The following CAMTA1 variants were observed in gnomAD, a reference collection of about 807,000 sequenced individuals.
The protein encoded by CAMTA1 is calmodulin-binding transcription activator 1.
Under a neutral mutation model 170.9 loss-of-function variants are expected in CAMTA1, and 27 were observed. The ratio of observed to expected loss-of-function variants is 0.16; its 90% confidence interval spans 0.12 to 0.22. The LOEUF is 0.22. CAMTA1 is among the 10% of genes least tolerant of loss of function. The probability of loss-of-function intolerance (pLI) is 1.00; values close to 1 mark genes in which losing one functional copy is unlikely to be tolerated. For missense variants in CAMTA1, 1,619 were observed against 2,217.2 expected (o/e 0.73, Z 5.42); for synonymous variants, 833 against 891.5 (o/e 0.93, Z 1.17).
intron 3 of CAMTA1, among the ~76,000 whole-genome samples, chr1:7,018,724 TTATGCTCGGGGAGTC>T (rs1340306625): frequency 6.6e-6 from 1 of 152,168 alleles, no homozygotes; most frequent in Non-Finnish European, 1.5e-5. Context: ...CAGAGCATGT[TTATGCTCGGGGAGTC>T]TATTTCCCGT....
intron 6 of CAMTA1, among the ~76,000 whole-genome samples, chr1:7,630,453 G>C (rs545799668): frequency 3.3e-5 from 5 of 152,342 alleles, no homozygotes; most frequent in African/African-American, 1.2e-4. Context: ...CCCTGAGCCG[G>C]CATGGTTCCC....
At chr1:7,162,392 C>T (rs1647385701) in intron 4 of CAMTA1, among the ~76,000 whole-genome samples, 1 of 152,122 alleles carries the variant, frequency 6.6e-6, no homozygotes, top group African/African-American at 2.4e-5. Flanking sequence ...CACAGTGTGT[C>T]TTAGAACCCT....
At chr1:7,506,135 T>C (rs2094105238) in intron 6 of CAMTA1, among the ~76,000 whole-genome samples, 1 of 152,062 alleles carries the variant, frequency 6.6e-6, no homozygotes, top group African/African-American at 2.4e-5. Context: ...CCCCACCCTC[T>C]ATAACCTCGC....
At chr1:6,989,060 G>A (rs1194210286) in intron 3 of CAMTA1, among the ~76,000 whole-genome samples, 1 of 152,216 alleles carries the variant, frequency 6.6e-6, no homozygotes, top group Non-Finnish European at 1.5e-5. Flanking sequence ...AGGAGGGGCA[G>A]GGGACATGAC....
rs912247798 is a variant in CAMTA1 at position 7,482,320 on chromosome 1, T to G, written c.510+14419T>G. Among the ~76,000 whole-genome samples, 1 of 152,140 alleles carries G rather than the reference T, an allele frequency of 6.6e-6. No homozygotes were observed. The highest frequency in any genetic ancestry group is 1.9e-4 in the East Asian group (1 of 5,174). ...GTTTATTGGATAGGTGTGAATGGTG[T>G]CCATCCATCCAGCACCGGGCTTCCT... is the stretch of plus-strand genomic sequence containing the variant. On this transcript the variant is annotated intron_variant, in intron 6 of 22. Transcript: ENST00000303635. The surrounding 1 kb of genome is among the most constrained non-coding windows in gnomAD (Gnocchi z 4.2).
intron 5 of CAMTA1, among the ~76,000 whole-genome samples, chr1:7,336,188 G>A (rs926112673): frequency 2.6e-5 from 4 of 152,216 alleles, no homozygotes; most frequent in Non-Finnish European, 5.9e-5. Context: ...GGGTGAGTGA[G>A]TGAGCCCACC....
In CAMTA1 at chr1:7,159,972, T is replaced by C. The variant is rs114635889; in HGVS notation, c.302+68601T>C. On this transcript the variant is annotated intron_variant, in intron 4 of 22. Transcript: ENST00000303635. ...AGTAAAAAACTTAGCTGTGGCTGGG[T>C]GCAGTGGCTCACAACTGTAATCCTA... 9.3e-3 allele frequency among the ~76,000 whole-genome samples: 1,416 copies of C among 152,234 alleles called. 18 individuals carry two copies. Among genetic ancestry groups the C allele is most frequent in the African/African-American group, 0.031 (1,304 of 41,556 alleles).
intron 3 of CAMTA1, among the ~76,000 whole-genome samples, chr1:7,057,603 GA>G (rs142169937): frequency 0.014 from 2,146 of 152,338 alleles, 138 homozygotes; most frequent in Admixed American, 0.11. Context: ...CCGACAGGCT[GA>G]GAGCCTGTCA....
intron 11 of CAMTA1, among the ~76,000 whole-genome samples, chr1:7,714,583 C>T (rs1006668400): frequency 6.6e-6 from 1 of 151,868 alleles, no homozygotes; most frequent in African/African-American, 2.4e-5. Flanking sequence ...GCTTTGGGCG[C>T]GATCTCAGCT....
intron 4 of CAMTA1, among the ~76,000 whole-genome samples, chr1:7,233,510 T>G (rs574484448): frequency 1.3e-5 from 2 of 152,382 alleles, no homozygotes; most frequent in African/African-American, 4.8e-5. Flanking sequence ...ACTGACCAAA[T>G]GCTTTCAGCG....
At chr1:7,453,864 G>T (rs1008183050) in intron 5 of CAMTA1, among the ~76,000 whole-genome samples, 8 of 152,254 alleles carry the variant, frequency 5.3e-5, no homozygotes. Context: ...GCTCACTCAT[G>T]CTGGGACCCG....
At chr1:7,088,486 G>T (rs7521515) in intron 3 of CAMTA1, among the ~76,000 whole-genome samples, 36,605 of 152,062 alleles carry the variant, frequency 0.24, 4,534 homozygotes, top group East Asian at 0.32. Flanking sequence ...AAGTGGTCCT[G>T]TTCCCTTTCT....
intron 6 of CAMTA1, among the ~76,000 whole-genome samples, chr1:7,569,228 A>G (rs1000951281): frequency 1.4e-5 from 2 of 147,690 alleles, no homozygotes; most frequent in Non-Finnish European, 3.0e-5. Context: ...ATCATCCATC[A>G]TCATCACCAT....
chr1:7,493,420 TAC>T (rs2093768936), intron 6 of CAMTA1, among the ~76,000 whole-genome samples: 1 of 107,938 alleles, frequency 9.3e-6, no homozygotes, highest in Non-Finnish European at 1.8e-5. Context: ...CAAACCTACA[TAC>T]ACACATGCAC....
Position 7,574,541 on chromosome 1 carries a change from A to C in CAMTA1, c.511-65859A>C, listed in dbSNP as rs541621219. On this transcript the variant is annotated intron_variant, in intron 6 of 22. Coordinates refer to ENST00000303635, the MANE Select transcript of CAMTA1 (RefSeq NM_015215.4). ...TGCCAGTGAAGCTCTGCTAACGCTC[A>C]CTGGGCACGGGCCACGATCAATATG... 2.0e-5 allele frequency among the ~76,000 whole-genome samples: 3 copies of C among 152,278 alleles called. No homozygotes were observed. The South Asian group carries it at 6.2e-4, about 32-fold the overall frequency.
At chr1:6,989,845 T>C (rs1696032623) in intron 3 of CAMTA1, among the ~76,000 whole-genome samples, 1 of 151,952 alleles carries the variant, frequency 6.6e-6, no homozygotes, top group Non-Finnish European at 1.5e-5. Context: ...TTCTTGGATT[T>C]ATTTTGCCAT....
intron 12 of CAMTA1, among the ~76,000 whole-genome samples, chr1:7,733,922 G>C (rs1577275732): frequency 1.3e-5 from 2 of 152,144 alleles, no homozygotes; most frequent in East Asian, 3.9e-4. Flanking sequence ...TTGGCACGCA[G>C]TAGAATATTA....
chr1:7,495,594 AT>A, intron 6 of CAMTA1, among the ~76,000 whole-genome samples: 1 of 152,282 alleles, frequency 6.6e-6, no homozygotes, highest in Middle Eastern at 3.4e-3. Context: ...CTGGCCTCTC[AT>A]TCCTGGACTG....
intron 9 of CAMTA1, among the ~76,000 whole-genome samples, chr1:7,667,824 A>G (rs943121046): frequency 1.3e-5 from 2 of 152,204 alleles, no homozygotes; most frequent in African/African-American, 4.8e-5. Context: ...CCAGTTACCC[A>G]CAACCAAAAG....
Sources: gnomAD v4.1 joint callset for allele counts (sites outside exome capture counted in the v4.1 genomes callset) on GRCh38, gnomAD v4.1.1 for gene constraint, Gnocchi (gnomAD v3.1) non-coding constraint, MANE v1.5 for transcripts, NCBI Gene and HGNC (gene_info 2026-07-23, HGNC 2026-07-21) for gene names.